Variants in DENND1A observed in about 807,000 individuals in gnomAD.
The protein encoded by DENND1A is DENN domain-containing protein 1A.
DENND1A carries 51 observed loss-of-function variants against 113.7 expected under a neutral mutation model. That is an observed-to-expected ratio of 0.45 (90% CI 0.36 to 0.57). The LOEUF (loss-of-function observed/expected upper bound fraction) is 0.57, where lower values mean the gene tolerates loss of function less well. Among genes scored for constraint, DENND1A ranks in the 20% least tolerant of loss-of-function variants. DENND1A has a pLI of 0.00. For synonymous variants in DENND1A, 565 were observed against 570.8 expected, an observed-to-expected ratio of 0.99 and a Z score of 0.14; for missense variants, 1,258 against 1,395.9, an observed-to-expected ratio of 0.90 and a Z score of 1.57.
At chr9:123,720,331 GCT>G (rs2067250554) in intron 5 of DENND1A, among the ~76,000 whole-genome samples, 1 of 152,156 alleles carries the variant, frequency 6.6e-6, no homozygotes, top group Non-Finnish European at 1.5e-5. Flanking sequence ...GAGGGAAAAT[GCT>G]CTTATTCTTT....
chr9:123,598,485 C>T (rs956204861), intron 11 of DENND1A, among the ~76,000 whole-genome samples: 7 of 149,926 alleles, frequency 4.7e-5, no homozygotes, highest in Admixed American at 4.6e-4. Context: ...AAACCAACCC[C>T]AAAGTCCCAA....
chr9:123,625,216 C>T (rs1350081552), intron 10 of DENND1A, among the ~76,000 whole-genome samples: 2 of 152,168 alleles, frequency 1.3e-5, no homozygotes, highest in Non-Finnish European at 2.9e-5. Flanking sequence ...CTCTTGGGGC[C>T]TTGGTCTACC....
chr9:123,395,783 TC>T (rs2080660857), intron 21 of DENND1A, among the ~76,000 whole-genome samples: 1 of 152,122 alleles, frequency 6.6e-6, no homozygotes, highest in African/African-American at 2.4e-5. Flanking sequence ...CAGTAGGTGC[TC>T]TTTACCTGTT....
At chr9:123,415,555 G>GAT (rs1167457293) in intron 19 of DENND1A, among the ~76,000 whole-genome samples, 1 of 152,238 alleles carries the variant, frequency 6.6e-6, no homozygotes, top group African/African-American at 2.4e-5. Flanking sequence ...GTCACCAGCG[G>GAT]ATTAGACAGT....
At chr9:123,590,885 G>A (rs2137044608) in intron 11 of DENND1A, among the ~76,000 whole-genome samples, 1 of 152,304 alleles carries the variant, frequency 6.6e-6, no homozygotes, top group African/African-American at 2.4e-5. Flanking sequence ...AGGTAAGAGT[G>A]TGCGAACAAT....
rs1435447715 is a variant in DENND1A, at chr9:123,575,653, C to CAA, written c.867+7515_867+7516insTT. 2.6e-5 allele frequency among the ~76,000 whole-genome samples: 4 copies of CAA among 152,298 alleles called. No homozygotes were observed. The East Asian group carries it at 7.7e-4, about 29-fold the overall frequency. Reference sequence around the variant, plus strand: ...GTTACTCTTTTTCTCTTTACACACACAGTTTTTTAGGAATAAATACATTCT... The same window carrying CAA: ...GTTACTCTTTTTCTCTTTACACACACAAAGTTTTTTAGGAATAAATACATTCT... On this transcript the variant is annotated intron_variant, in intron 12 of 23. Coordinates refer to ENST00000394215, the MANE Select transcript of DENND1A (RefSeq NM_001352964.2).
chr9:123,453,360 G>A (rs143066542), intron 16 of DENND1A, among the ~76,000 whole-genome samples: 114 of 152,304 alleles, frequency 7.5e-4, no homozygotes, highest in East Asian at 1.5e-3. Context: ...TGTAGGAGAC[G>A]GGAGGAGAAC....
chr9:123,844,461 T>C (rs1842290590), intron 2 of DENND1A, among the ~76,000 whole-genome samples: 1 of 152,116 alleles, frequency 6.6e-6, no homozygotes, highest in African/African-American at 2.4e-5. Context: ...AAAATTTCCA[T>C]TTACAATAAC....
chr9:123,915,728 T>G (rs983557958), intron 1 of DENND1A, among the ~76,000 whole-genome samples: 2 of 152,080 alleles, frequency 1.3e-5, no homozygotes, highest in African/African-American at 4.8e-5. Flanking sequence ...AAAAATAGGG[T>G]CAGTTAATAA....
At chr9:123,840,424 TATAAC>T (rs944268867) in intron 2 of DENND1A, among the ~76,000 whole-genome samples, 1 of 152,132 alleles carries the variant, frequency 6.6e-6, no homozygotes, top group Non-Finnish European at 1.5e-5. Flanking sequence ...ACATGATAAT[TATAAC>T]AGAACTCCAA....
intron 21 of DENND1A, among the ~76,000 whole-genome samples, chr9:123,399,279 G>A (rs988933372): frequency 1.3e-5 from 2 of 152,192 alleles, no homozygotes; most frequent in Admixed American, 1.3e-4. Flanking sequence ...CTGGCCCTGA[G>A]AAACCTTGGG....
intron 11 of DENND1A, among the ~76,000 whole-genome samples, chr9:123,589,359 TGAGA>T (rs1258591356): frequency 3.9e-5 from 6 of 152,012 alleles, no homozygotes; most frequent in Admixed American, 3.9e-4. Flanking sequence ...AATTCGACTT[TGAGA>T]GAGATATCTT....
intron 2 of DENND1A, among the ~76,000 whole-genome samples, chr9:123,841,004 A>C (rs942639156): frequency 1.3e-5 from 2 of 152,218 alleles, no homozygotes; most frequent in Non-Finnish European, 2.9e-5. Context: ...CAAATGTGGA[A>C]GCTATTTCAT....
intron 16 of DENND1A, 47 bp from the exon 17 acceptor site, chr9:123,452,394 T>A (rs2047788361): frequency 6.8e-7 from 1 of 1,465,930 alleles, no homozygotes; most frequent in Admixed American, 1.7e-5. Flanking sequence ...GACAGAGTCA[T>A]CCAACACCAA....
At chr9:123,903,969 C>G (rs914572865) in intron 1 of DENND1A, among the ~76,000 whole-genome samples, 1 of 152,080 alleles carries the variant, frequency 6.6e-6, no homozygotes, top group Non-Finnish European at 1.5e-5. Context: ...CTTAAATGTC[C>G]CTGTCTGACA....
rs1564390056 is a variant in DENND1A at position 123,381,624 on chromosome 9, G to A, written c.3021C>T (p.Asp1007=). The A allele has an allele frequency of 3.1e-6, 5 of 1,612,378 alleles. No individual in the cohort carries two copies. The highest frequency in any genetic ancestry group is 1.7e-5 in the Admixed American group (1 of 59,890). ...GGGGCCTGGGAGGCAGAAGCGGGGGGTCTCCAGGCCTCAGGGCCAGCCCCT... is the reference window on the plus strand; with the variant it reads ...GGGGCCTGGGAGGCAGAAGCGGGGGATCTCCAGGCCTCAGGGCCAGCCCCT... ...TKQGLALRPG[D]PPLLPPRPPQ... is the part of the protein sequence containing the mutation. Residue 1007 remains aspartate, a synonymous_variant, in exon 24 of 24, where the codon GAC becomes GAT. Transcript: ENST00000394215. This position sits in a 1 kb window ranked among gnomAD's most constrained non-coding sequence, Gnocchi z 4.7.
intron 2 of DENND1A, among the ~76,000 whole-genome samples, chr9:123,869,153 C>T (rs915081202): frequency 6.6e-6 from 1 of 152,180 alleles, no homozygotes; most frequent in African/African-American, 2.4e-5. Flanking sequence ...TACAGTCACA[C>T]TAGAATTCAA....
chr9:123,692,923 A>C (rs2065271085), intron 5 of DENND1A, among the ~76,000 whole-genome samples: 1 of 152,186 alleles, frequency 6.6e-6, no homozygotes, highest in African/African-American at 2.4e-5. Flanking sequence ...TTTTAGCTAT[A>C]ATGTAGAGAT....
intron 8 of DENND1A, among the ~76,000 whole-genome samples, chr9:123,654,139 T>A (rs975070491): frequency 6.6e-6 from 1 of 152,136 alleles, no homozygotes; most frequent in Non-Finnish European, 1.5e-5. Context: ...AACACAGAGC[T>A]AATGATGTAA....
Sources: allele counts gnomAD v4.1 joint callset (sites outside exome capture counted in the v4.1 genomes callset), GRCh38; gene constraint gnomAD v4.1.1; non-coding constraint Gnocchi (gnomAD v3.1); transcripts MANE v1.5; gene names NCBI Gene and HGNC (gene_info 2026-07-23, HGNC 2026-07-21).